UBA6: variants seen among roughly 807,000 people sequenced by gnomAD.
UBA6 encodes the protein ubiquitin like modifier activating enzyme 6.
In UBA6, 87 loss-of-function variants were observed where a neutral mutation model predicts 148.3. The observed-to-expected ratio is 0.59, with a 90% CI of 0.49 to 0.70. The LOEUF is 0.70. Among genes scored for constraint, UBA6 ranks in the 30% least tolerant of loss-of-function variants. UBA6 has a pLI of 0.00. For missense variants in UBA6, 1,186 were observed against 1,241.2 expected (o/e 0.96, Z 0.67); for synonymous variants, 376 against 401.0 (o/e 0.94, Z 0.75).
chr4:67,668,736 C>A (rs1730069734), intron 8 of UBA6, 62 bp from the exon 9 acceptor site: 4 of 1,464,878 alleles, frequency 2.7e-6, no homozygotes, highest in South Asian at 2.6e-5. Context: ...TGTACAAATT[C>A]AAATCTTAAG....
At chr4:67,636,798 T>C (rs1304072082) in intron 19 of UBA6, among the ~76,000 whole-genome samples, 1 of 152,152 alleles carries the variant, frequency 6.6e-6, no homozygotes, top group African/African-American at 2.4e-5. Flanking sequence ...GATTGCAGCC[T>C]CTGCCCGGCC....
chr4:67,646,440 TATAA>T (rs1729422980), intron 15 of UBA6, among the ~76,000 whole-genome samples: 1 of 152,210 alleles, frequency 6.6e-6, no homozygotes, highest in South Asian at 2.1e-4. Flanking sequence ...GAATTACCTA[TATAA>T]ATAAAGACTG....
chr4:67,685,836 C>A (rs771795538), intron 2 of UBA6, among the ~76,000 whole-genome samples: 1 of 152,096 alleles, frequency 6.6e-6, no homozygotes, highest in Non-Finnish European at 1.5e-5. Context: ...CAGTAATAAG[C>A]CCCTCACCAG....
At chr4:67,629,392 C>A (rs752585575) in intron 26 of UBA6, among the ~76,000 whole-genome samples, 1 of 151,770 alleles carries the variant, frequency 6.6e-6, no homozygotes, top group Admixed American at 6.6e-5. Context: ...AGTCCTTCTG[C>A]AAATTTTTTA....
rs201146470 is a variant in UBA6, at chr4:67,643,698, TA to T, written c.1476+999del. Among the ~76,000 whole-genome samples, 25 of 152,114 alleles carry T rather than the reference TA, an allele frequency of 1.6e-4. No homozygotes were observed. In the East Asian group the frequency reaches 2.1e-3, roughly 13 times the overall value. On this transcript the variant is annotated intron_variant, in intron 17 of 32. Transcript: ENST00000322244. ...CTTTTCAGCTTGGCTACATTACACTTAAAAAAATGTATACAGTAAGTCTGTG... is the reference window on the plus strand; with the variant it reads ...CTTTTCAGCTTGGCTACATTACACTTAAAAAATGTATACAGTAAGTCTGTG...
chr4:67,671,953 T>C (rs1467977579), intron 7 of UBA6, among the ~76,000 whole-genome samples: 1 of 152,106 alleles, frequency 6.6e-6, no homozygotes, highest in African/African-American at 2.4e-5. Flanking sequence ...CTCACACTCA[T>C]CTATCTACAA....
chr4:67,616,682 C>T lies in UBA6; in HGVS notation c.*2315G>A, dbSNP rs1444197896. ...GGTAATGTCCTTCCACACCTAATAA[C>T]TGCTGTATCTCCATGATTGCAAACT... On this transcript the variant is annotated 3_prime_UTR_variant, in exon 33 of 33. Transcript: ENST00000322244. 6.6e-6 allele frequency: 1 copy of T among 152,110 alleles called. No individual in the cohort carries two copies. The highest frequency in any genetic ancestry group is 2.4e-5 in the African/African-American group (1 of 41,446). 9.4% of individuals were successfully genotyped at this position (152,110 alleles called of 1,614,324 possible). A position where few individuals can be genotyped will look rare whatever the true frequency, so the allele number is the denominator to read the frequency against.
intron 18 of UBA6, 137 bp downstream of exon 18, chr4:67,641,014 T>C: frequency 1.6e-6 from 1 of 641,490 alleles, no homozygotes; most frequent in East Asian, 3.1e-5. Context: ...TTTTCCCTTT[T>C]GTCATTTCCA....
At chr4:67,645,810 T>TG (rs1247678961) in intron 16 of UBA6, 128 bp downstream of exon 16, 3 of 434,596 alleles carry the variant, frequency 6.9e-6, no homozygotes, top group African/African-American at 6.1e-5. Flanking sequence ...CTTTATAGGC[T>TG]GCAAGGTCTC....
In UBA6 at chr4:67,648,807, T is replaced by C. The variant is rs114177109; in HGVS notation, c.1248+261A>G. 5.0e-3 allele frequency among the ~76,000 whole-genome samples: 760 copies of C among 152,274 alleles called. 9 individuals are homozygous for C. The highest frequency in any genetic ancestry group is 0.017 in the African/African-American group (714 of 41,546). ...ACTGGAGAACAATTACCTATAAGGA[T>C]AGAACATTCATTCCCTTACTATCAC... On this transcript the variant is annotated intron_variant, in intron 14 of 32. Coordinates refer to ENST00000322244, the MANE Select transcript of UBA6 (RefSeq NM_018227.6).
intron 5 of UBA6, among the ~76,000 whole-genome samples, chr4:67,678,073 T>C (rs1476477450): frequency 6.9e-6 from 1 of 144,992 alleles, no homozygotes; most frequent in Non-Finnish European, 1.5e-5. Context: ...ATATATCTTT[T>C]ATATATATAA....
chr4:67,678,199 A>C (rs1730336388), intron 5 of UBA6, among the ~76,000 whole-genome samples: 1 of 137,058 alleles, frequency 7.3e-6, no homozygotes, highest in African/African-American at 2.6e-5. Context: ...ATTTAGCCAC[A>C]GTAGTAGGAA....
chr4:67,665,359 G>A, intron 9 of UBA6, 67 bp from the exon 10 acceptor site: 1 of 893,244 alleles, frequency 1.1e-6, no homozygotes, highest in Non-Finnish European at 1.7e-6. Context: ...AACTCTTATT[G>A]TCATAAGAGG....
intron 13 of UBA6, among the ~76,000 whole-genome samples, chr4:67,651,454 C>T (rs185195853): frequency 6.6e-6 from 1 of 152,234 alleles, no homozygotes; most frequent in Non-Finnish European, 1.5e-5. Context: ...ACACATAGGG[C>T]CTTAAAGCAA....
intron 11 of UBA6, 53 bp downstream of exon 11, chr4:67,663,832 A>G: frequency 6.8e-7 from 1 of 1,463,776 alleles, no homozygotes; most frequent in Middle Eastern, 1.7e-4. Context: ...TCACTCACTA[A>G]TTCTCATCTC....
At chr4:67,676,334 C>G (rs1053663996) in intron 6 of UBA6, among the ~76,000 whole-genome samples, 1 of 152,056 alleles carries the variant, frequency 6.6e-6, no homozygotes, top group African/African-American at 2.4e-5. Context: ...TATAGTACTA[C>G]TTTTTACATT....
intron 30 of UBA6, among the ~76,000 whole-genome samples, chr4:67,623,851 G>A (rs1455422363): frequency 6.6e-6 from 1 of 152,030 alleles, no homozygotes; most frequent in East Asian, 1.9e-4. Context: ...ATGACCTACA[G>A]TCAGACACCA....
intron 7 of UBA6, 85 bp downstream of exon 7, chr4:67,673,612 A>G: frequency 1.3e-6 from 1 of 770,796 alleles, no homozygotes; most frequent in Non-Finnish European, 2.2e-6. Flanking sequence ...AGTTTCTTAT[A>G]TAACCCATCA....
intron 2 of UBA6, among the ~76,000 whole-genome samples, chr4:67,682,978 T>C (rs1202291634): frequency 6.6e-6 from 1 of 152,206 alleles, no homozygotes; most frequent in African/African-American, 2.4e-5. Context: ...AAATATTTAA[T>C]TTCCATTATT....
Sources: gnomAD v4.1 joint callset for allele counts (sites outside exome capture counted in the v4.1 genomes callset) on GRCh38, gnomAD v4.1.1 for gene constraint, MANE v1.5 for transcripts, NCBI Gene and HGNC (gene_info 2026-07-23, HGNC 2026-07-21) for gene names.